The following TNNI3K variants were observed in gnomAD, a reference collection of about 807,000 sequenced individuals.
TNNI3K encodes serine/threonine-protein kinase TNNI3K.
A neutral mutation model predicts 114.5 loss-of-function variants in TNNI3K; 140 were observed. The ratio of observed to expected loss-of-function variants is 1.22; its 90% CI spans 1.07 to 1.41. The LOEUF is 1.41. TNNI3K is among the 40% of genes most tolerant of loss of function. The pLI is 0.00. For synonymous variants in TNNI3K, 347 were observed against 347.5 expected (o/e 1.00, Z 0.02); for missense variants, 1,125 against 1,007.6 (o/e 1.12, Z -1.58).
chr1:74,517,112 T>A (rs572694181), intron 23 of TNNI3K, among the ~76,000 whole-genome samples: 1 of 152,314 alleles, frequency 6.6e-6, no homozygotes, highest in Non-Finnish European at 1.5e-5. Context: ...TAGATGCTGT[T>A]CATTATTATG....
At position 74,367,291 on chromosome 1, in the gene TNNI3K, A is replaced by T; in HGVS notation, c.1213A>T (p.Lys405Ter). Residue 405 changes from lysine to a stop codon, truncating the protein, a stop_gained, in exon 12 of 25, where the codon AAG (lysine) becomes TAG (stop). Coordinates refer to ENST00000326637, the MANE Select transcript of TNNI3K (RefSeq NM_015978.3). LOFTEE classifies it high-confidence loss of function. ...CATTGTCACACTCCTGAAGCATTAT[A>T]AGAGACCACAAGATGAATTGCCCTG... is the stretch of plus-strand genomic sequence containing the variant. ...DAIVTLLKHY[K>*]RPQDELPCNE... 1 of 1,612,202 alleles carries T rather than the reference A, an allele frequency of 6.2e-7. No individual in the cohort carries two copies. The highest frequency in any genetic ancestry group is 8.5e-7 in the Non-Finnish European group (1 of 1,178,722).
At chr1:74,270,251 C>G (rs1468205050) in intron 4 of TNNI3K, among the ~76,000 whole-genome samples, 1 of 151,564 alleles carries the variant, frequency 6.6e-6, no homozygotes, top group African/African-American at 2.4e-5. Flanking sequence ...CTTGGGTATA[C>G]CTACCTAAAG....
chr1:74,324,906 A>T (rs1375402557), intron 5 of TNNI3K, among the ~76,000 whole-genome samples: 2 of 152,110 alleles, frequency 1.3e-5, no homozygotes, highest in Admixed American at 1.3e-4. Context: ...TCAGAGGAGC[A>T]AGCCAAGTAG....
intron 20 of TNNI3K, among the ~76,000 whole-genome samples, chr1:74,439,834 A>G (rs1210513009): frequency 1.3e-5 from 2 of 152,080 alleles, no homozygotes; most frequent in African/African-American, 4.8e-5. Flanking sequence ...ACAGAAATGC[A>G]GGTATATTTT....
At chr1:74,510,302 C>T (rs1172229716) in intron 23 of TNNI3K, among the ~76,000 whole-genome samples, 1 of 151,964 alleles carries the variant, frequency 6.6e-6, no homozygotes, top group Non-Finnish European at 1.5e-5. Flanking sequence ...GTCAGGAGAT[C>T]GAGACCATCC....
At chr1:74,458,489 T>C (rs573276961) in intron 20 of TNNI3K, among the ~76,000 whole-genome samples, 11 of 152,212 alleles carry the variant, frequency 7.2e-5, no homozygotes, top group Non-Finnish European at 1.5e-4. Flanking sequence ...GAATGAAAGA[T>C]ATTATATTGA....
At chr1:74,536,533 T>A (rs545655873) in intron 23 of TNNI3K, among the ~76,000 whole-genome samples, 2 of 152,142 alleles carry the variant, frequency 1.3e-5, no homozygotes, top group Non-Finnish European at 2.9e-5. Context: ...ATTTTTATAT[T>A]TATGTATACA....
At chr1:74,389,928 T>C (rs1343259596) in intron 17 of TNNI3K, among the ~76,000 whole-genome samples, 12 of 152,028 alleles carry the variant, frequency 7.9e-5, no homozygotes, top group Admixed American at 7.9e-4. Context: ...ATCATGGAGA[T>C]AAGAGAAAAG....
At chr1:74,515,385 AT>A (rs1322923674) in intron 23 of TNNI3K, among the ~76,000 whole-genome samples, 1 of 152,184 alleles carries the variant, frequency 6.6e-6, no homozygotes, top group Non-Finnish European at 1.5e-5. Context: ...CTTGAAAGAC[AT>A]TTTTTGGTGC....
chr1:74,442,199 C>A (rs1257283670), intron 20 of TNNI3K, among the ~76,000 whole-genome samples: 1 of 151,724 alleles, frequency 6.6e-6, no homozygotes, highest in Non-Finnish European at 1.5e-5. Flanking sequence ...ATGTCCAATT[C>A]TTTTCTCATA....
At chr1:74,365,924 C>T (rs1202835993) in intron 11 of TNNI3K, among the ~76,000 whole-genome samples, 2 of 150,844 alleles carry the variant, frequency 1.3e-5, no homozygotes, top group Non-Finnish European at 2.9e-5. Context: ...GTTTTGCTAC[C>T]AGTTTTAGCA....
At chr1:74,462,903 AAAT>A (rs1667510927) in intron 20 of TNNI3K, among the ~76,000 whole-genome samples, 2 of 152,350 alleles carry the variant, frequency 1.3e-5, no homozygotes, top group South Asian at 4.1e-4. Flanking sequence ...AGAGTTTTAA[AAAT>A]AATAACTACT....
intron 5 of TNNI3K, among the ~76,000 whole-genome samples, chr1:74,284,980 G>T (rs1657239553): frequency 6.6e-6 from 1 of 152,210 alleles, no homozygotes; most frequent in African/African-American, 2.4e-5. Context: ...GGAGACTTGA[G>T]AAAAGTTCCA....
chr1:74,480,546 A>G, intron 21 of TNNI3K: 1 of 717,402 alleles, frequency 1.4e-6, no homozygotes, highest in Non-Finnish European at 2.6e-6. Flanking sequence ...TTCCCAATGT[A>G]GGAAATAAAA....
chr1:74,437,179 T>C (rs1361876167), intron 19 of TNNI3K, among the ~76,000 whole-genome samples: 2 of 152,090 alleles, frequency 1.3e-5, no homozygotes, highest in African/African-American at 2.4e-5. Flanking sequence ...CAGTCACCTT[T>C]TCTGGATGTC....
rs559376265 is a variant in TNNI3K at position 74,341,290 on chromosome 1, A to G, written c.683-1552A>G. ...CATTTATCTGTTATTAGCTTTGGAC[A>G]CAGCAAATTTCTAAGATGGACATTA... On this transcript the variant is annotated intron_variant, in intron 7 of 24. Coordinates refer to ENST00000326637, the MANE Select transcript of TNNI3K (RefSeq NM_015978.3). Among the ~76,000 whole-genome samples, 3 of 152,202 alleles carry G rather than the reference A, an allele frequency of 2.0e-5. No individual in the cohort carries two copies. In the South Asian group the frequency reaches 6.2e-4, roughly 31 times the overall value.
chr1:74,384,557 G>A (rs1282508282), intron 17 of TNNI3K, among the ~76,000 whole-genome samples: 2 of 152,014 alleles, frequency 1.3e-5, no homozygotes, highest in African/African-American at 4.8e-5. Flanking sequence ...CCTTCTCACA[G>A]GCAACATTTT....
Position 74,249,635 on chromosome 1 carries a change from A to AT in TNNI3K, c.235+93dup, listed in dbSNP as rs898122760. ...GCTTAATAGTCTGCAAAAGAATTCT[A>AT]TTCATACTCAATTTTCCCTTCTGCT... On this transcript the variant is annotated intron_variant, in intron 3 of 24. Coordinates refer to ENST00000326637, the MANE Select transcript of TNNI3K (RefSeq NM_015978.3). 3 of 1,257,138 alleles carry AT rather than the reference A, an allele frequency of 2.4e-6. No individual in the cohort carries two copies. The African/African-American group carries it at 4.6e-5, about 19-fold the overall frequency. 77.9% of individuals were successfully genotyped at this position (1,257,138 alleles called of 1,614,324 possible). A position where few individuals can be genotyped will look rare whatever the true frequency, so the allele number is the denominator to read the frequency against.
chr1:74,525,777 G>T (rs1017793122), intron 23 of TNNI3K, among the ~76,000 whole-genome samples: 12 of 152,116 alleles, frequency 7.9e-5, no homozygotes, highest in Non-Finnish European at 1.5e-4. Flanking sequence ...TACAGAAGCC[G>T]GGAGCAGCAG....
Sources: allele counts gnomAD v4.1 joint callset (sites outside exome capture counted in the v4.1 genomes callset), GRCh38; gene constraint gnomAD v4.1.1; transcripts MANE v1.5; gene names NCBI Gene and HGNC (gene_info 2026-07-23, HGNC 2026-07-21).